ANK2: variants seen among roughly 807,000 people sequenced by gnomAD.
ANK2 encodes the protein ankyrin-2.
Under a neutral mutation model 360.5 loss-of-function variants are expected in ANK2, and 83 were observed. The observed-to-expected ratio is 0.23, with a 90% CI of 0.19 to 0.28. ANK2 has a LOEUF of 0.28. Ranked by LOEUF, ANK2 falls within the 10% of genes least tolerant of loss-of-function variation. The pLI, the probability that ANK2 is intolerant of heterozygous loss-of-function variation, is 1.00. For missense variants in ANK2, 4,201 were observed against 4,795.7 expected, an observed-to-expected ratio of 0.88 and a Z score of 3.66; for synonymous variants, 1,740 against 1,759.5, an observed-to-expected ratio of 0.99 and a Z score of 0.28.
At chr4:113,237,545 T>A (rs2099393026) in intron 6 of ANK2, 54 bp from the exon 7 acceptor site, 1 of 1,547,438 alleles carries the variant, frequency 6.5e-7, no homozygotes, top group Admixed American at 1.7e-5. Flanking sequence ...ACTGTTTCCA[T>A]AATTTTGCAT....
At chr4:112,968,585 G>GC (rs1554025110) in intron 2 of ANK2, among the ~76,000 whole-genome samples, 2 of 150,890 alleles carry the variant, frequency 1.3e-5, no homozygotes, top group Non-Finnish European at 3.0e-5. Context: ...ATTGCTTTTT[G>GC]TTTTTTTTTC....
At chr4:113,017,526 T>G (rs2056958906) in intron 2 of ANK2, among the ~76,000 whole-genome samples, 1 of 152,246 alleles carries the variant, frequency 6.6e-6, no homozygotes, top group African/African-American at 2.4e-5. Flanking sequence ...ATACATTTTC[T>G]GCAGACTCTA....
intron 1 of ANK2, among the ~76,000 whole-genome samples, chr4:113,156,764 G>A (rs2097314295): frequency 7.0e-6 from 1 of 143,032 alleles, no homozygotes; most frequent in South Asian, 2.2e-4. Context: ...TTCTTTTATA[G>A]TCATTTTCAA....
chr4:113,032,488 A>T (rs2060626956), intron 2 of ANK2, among the ~76,000 whole-genome samples: 1 of 151,970 alleles, frequency 6.6e-6, no homozygotes, highest in Non-Finnish European at 1.5e-5. Context: ...CCATGAGGAG[A>T]GGGTAAACCC....
intron 23 of ANK2, among the ~76,000 whole-genome samples, chr4:113,305,846 A>G (rs2077039038): frequency 6.6e-6 from 1 of 152,202 alleles, no homozygotes. Flanking sequence ...CAAAAAGAGT[A>G]TTCAAACTCT....
intron 1 of ANK2, among the ~76,000 whole-genome samples, chr4:113,168,187 T>G (rs975055031): frequency 1.2e-4 from 18 of 152,190 alleles, no homozygotes; most frequent in Non-Finnish European, 1.8e-4. Flanking sequence ...TAATACTAAG[T>G]TAAAGGAAAA....
rs776972443 is a variant in ANK2, at chr4:113,356,076, C to T, written c.7458C>T (p.His2486=). ...PKMKAGIFPS[H]FPLPAAVAKT... ...TGAAGGCTGGAATTTTTCCAAGTCA[C>T]TTTCCTCTTCCTGCAGCTGTTGCCA... The change falls in exon 38 of 46, where the codon CAC becomes CAT. Residue 2486 remains histidine (H), a synonymous_variant. Coordinates refer to ENST00000357077, the MANE Select transcript of ANK2 (RefSeq NM_001148.6). 2 of 1,614,034 alleles carry T rather than the reference C, an allele frequency of 1.2e-6. No homozygotes were observed. The highest frequency in any genetic ancestry group is 1.7e-6 in the Non-Finnish European group (2 of 1,180,016).
At chr4:113,151,605 A>G (rs11937884) in intron 1 of ANK2, among the ~76,000 whole-genome samples, 10,686 of 152,178 alleles carry the variant, frequency 0.07, 604 homozygotes, top group African/African-American at 0.16. Context: ...AATATTGGGG[A>G]TCACATTTCA....
chr4:113,044,637 C>T (rs1411129174), intron 2 of ANK2, among the ~76,000 whole-genome samples: 1 of 152,172 alleles, frequency 6.6e-6, no homozygotes, highest in Non-Finnish European at 1.5e-5. Flanking sequence ...AGGACCCTCC[C>T]CTGCCTCTTC....
At chr4:112,782,347 C>G in the ANK2 span, among the ~76,000 whole-genome samples, 1 of 152,116 alleles carries the variant, frequency 6.6e-6, no homozygotes, top group Admixed American at 6.5e-5. Flanking sequence ...ATACTATTCT[C>G]TTTACTTTTG....
rs764952487 is a variant in ANK2 at position 113,357,817 on chromosome 4, T to C, written c.9199T>C (p.Phe3067Leu). ...TGTGAAAGAGGAAGAACAAAAGATA[T>C]TTGGTTTGATGGTAGACAGACAATC... is the stretch of plus-strand genomic sequence containing the variant. ...ARVKEEEQKI[F>L]GLMVDRQSQG... The change falls in exon 38 of 46, where the codon TTT becomes CTT. Residue 3067 changes from phenylalanine to leucine, a missense_variant. By Grantham distance (22) the Phe-to-Leu change is conservative. This residue lies in a region of ANK2 where 2,642 missense variants were observed against 2,714.5 expected (regional missense o/e 0.97). Transcript: ENST00000357077. 2.5e-6 allele frequency: 4 copies of C among 1,613,660 alleles called. No individual in the cohort carries two copies. The East Asian group carries it at 6.7e-5, about 27-fold the overall frequency.
intron 1 of ANK2, among the ~76,000 whole-genome samples, chr4:113,140,555 C>T (rs948467386): frequency 1.3e-5 from 2 of 152,114 alleles, no homozygotes; most frequent in African/African-American, 4.8e-5. Flanking sequence ...CTTGAATAAT[C>T]CTTGGATCTT....
chr4:113,318,284 A>G (rs972719613), intron 25 of ANK2, among the ~76,000 whole-genome samples: 3 of 152,200 alleles, frequency 2.0e-5, no homozygotes, highest in African/African-American at 7.2e-5. Flanking sequence ...ATGGATACCT[A>G]CTGTCTTCAA....
chr4:113,287,536 A>C, intron 18 of ANK2, 69 bp from the exon 19 acceptor site: 1 of 1,175,696 alleles, frequency 8.5e-7, no homozygotes, highest in Non-Finnish European at 1.3e-6. Flanking sequence ...ATATTTTTTC[A>C]TAATATTATA....
chr4:113,099,120 C>G (rs1002109086), intron 1 of ANK2, among the ~76,000 whole-genome samples: 4 of 151,924 alleles, frequency 2.6e-5, no homozygotes, highest in African/African-American at 9.7e-5. Flanking sequence ...TTTTCTCTTA[C>G]TCTCATATTC....
At chr4:112,940,442 A>C (rs561297915) in intron 2 of ANK2, among the ~76,000 whole-genome samples, 191 of 152,290 alleles carry the variant, frequency 1.3e-3, no homozygotes, top group Non-Finnish European at 2.3e-3. Flanking sequence ...GTGACATTAA[A>C]AAATTTGGCT....
chr4:113,121,771 G>T (rs941234249), intron 1 of ANK2, among the ~76,000 whole-genome samples: 1 of 151,912 alleles, frequency 6.6e-6, no homozygotes, highest in East Asian at 1.9e-4. Context: ...ACAGTAAAAG[G>T]TTCTGATTAG....
At chr4:113,023,654 T>C (rs1468143878) in intron 2 of ANK2, among the ~76,000 whole-genome samples, 2 of 152,244 alleles carry the variant, frequency 1.3e-5, no homozygotes, top group African/African-American at 2.4e-5. Flanking sequence ...ACCGGCAACA[T>C]TTCATCTTCA....
At chr4:113,375,059 C>G in intron 45 of ANK2, 1 of 435,036 alleles carries the variant, frequency 2.3e-6, no homozygotes, top group Non-Finnish European at 3.1e-6. Flanking sequence ...TGGAAAGGTG[C>G]AGAATAATTC....
Sources: gnomAD v4.1 joint callset for allele counts (sites outside exome capture counted in the v4.1 genomes callset) on GRCh38, gnomAD v4.1.1 for gene constraint, gnomAD v4.1.1 regional missense constraint, MANE v1.5 for transcripts, NCBI Gene and HGNC (gene_info 2026-07-23, HGNC 2026-07-21) for gene names.